ST3GAL3: variants seen among roughly 807,000 people sequenced by gnomAD.
The protein encoded by ST3GAL3 is CMP-N-acetylneuraminate-beta-1,4-galactoside alpha-2,3-sialyltransferase.
ST3GAL3 carries 21 observed loss-of-function variants against 50.1 expected under a neutral mutation model. The observed-to-expected ratio is 0.42, with a 90% confidence interval of 0.30 to 0.60. The LOEUF (loss-of-function observed/expected upper bound fraction) is 0.60. Among genes scored for constraint, ST3GAL3 ranks in the 20% least tolerant of loss-of-function variants. The pLI is 0.19. For synonymous variants in ST3GAL3, 183 were observed against 190.0 expected (o/e 0.96, Z 0.30); for missense variants, 353 against 489.4 (o/e 0.72, Z 2.63).
chr1:43,911,635 ATATC>A (rs1349228864), intron 9 of ST3GAL3, among the ~76,000 whole-genome samples: 2 of 135,986 alleles, frequency 1.5e-5, no homozygotes, highest in African/African-American at 2.8e-5. Flanking sequence ...ATAGATATCT[ATATC>A]TATAGATATA....
rs1296733560 is a variant in ST3GAL3, at chr1:43,930,673, G to C, written c.*452G>C. ...GAGGGCCCATCAGGCAGTGTTACCT[G>C]TTAGCTCCCTGTGGGGCAGGAGTGC... is the stretch of plus-strand genomic sequence containing the variant. On this transcript the variant is annotated 3_prime_UTR_variant, in exon 12 of 12. Coordinates refer to ENST00000347631, the MANE Select transcript of ST3GAL3 (RefSeq NM_006279.5). 3.3e-6 allele frequency: 1 copy of C among 307,540 alleles called. No homozygotes were observed. The highest frequency in any genetic ancestry group is 2.2e-5 in the African/African-American group (1 of 46,248). 19.1% of individuals were successfully genotyped at this position (307,540 alleles called of 1,614,324 possible).
intron 1 of ST3GAL3, among the ~76,000 whole-genome samples, chr1:43,722,697 G>A (rs1194320344): frequency 6.6e-6 from 1 of 152,190 alleles, no homozygotes; most frequent in Non-Finnish European, 1.5e-5. Context: ...TGCAGGATGA[G>A]AGTGAGGAGG....
At chr1:43,723,113 CT>C (rs770769806) in intron 1 of ST3GAL3, among the ~76,000 whole-genome samples, 246 of 142,684 alleles carry the variant, frequency 1.7e-3, no homozygotes, top group Admixed American at 1.6e-3. Context: ...CTCTTCCCTC[CT>C]TTTTTTTTTT....
intron 1 of ST3GAL3, among the ~76,000 whole-genome samples, chr1:43,734,832 AT>A (rs1009749999): frequency 1.3e-5 from 2 of 151,948 alleles, no homozygotes; most frequent in African/African-American, 4.8e-5. Context: ...CTCTTATGTC[AT>A]TGTAATTTTG....
rs545716760 is a variant in ST3GAL3 at position 43,887,949 on chromosome 1, GAGA to G, written c.303-6431_303-6429del. ...ACCATGAAAGCATGCCTGTGGCCAA[GAGA>G]AGGAGGAGGAGGAAGAGACTAGAGC... On this transcript the variant is annotated intron_variant, in intron 5 of 11. Coordinates refer to ENST00000347631, the MANE Select transcript of ST3GAL3 (RefSeq NM_006279.5). 3.9e-5 allele frequency among the ~76,000 whole-genome samples: 6 copies of G among 152,222 alleles called. No homozygotes were observed. The South Asian group carries it at 1.2e-3, about 32-fold the overall frequency.
At chr1:43,730,632 G>A (rs1237985983) in intron 1 of ST3GAL3, among the ~76,000 whole-genome samples, 1 of 135,204 alleles carries the variant, frequency 7.4e-6, no homozygotes, top group Non-Finnish European at 1.5e-5. Context: ...GTGTAGTGAT[G>A]TCATAATGGC....
chr1:43,891,139 G>C (rs79974737), intron 5 of ST3GAL3, among the ~76,000 whole-genome samples: 1 of 152,180 alleles, frequency 6.6e-6, no homozygotes, highest in Non-Finnish European at 1.5e-5. Context: ...GGCAAGAAAT[G>C]TACAAGATCA....
intron 5 of ST3GAL3, among the ~76,000 whole-genome samples, chr1:43,873,093 G>C (rs78853081): frequency 0.016 from 2,469 of 152,294 alleles, 30 homozygotes; most frequent in African/African-American, 0.018. Context: ...TTGGAGCAGA[G>C]GAGTGACTTC....
intron 2 of ST3GAL3, among the ~76,000 whole-genome samples, chr1:43,774,359 T>C (rs759314183): frequency 6.6e-6 from 1 of 152,230 alleles, no homozygotes; most frequent in African/African-American, 2.4e-5. Context: ...TTCTGTCTTA[T>C]TGCCTTGTGG....
intron 5 of ST3GAL3, among the ~76,000 whole-genome samples, chr1:43,878,461 A>C (rs1215144344): frequency 1.3e-5 from 2 of 152,234 alleles, no homozygotes; most frequent in East Asian, 3.8e-4. Flanking sequence ...GGTTGGCCTC[A>C]AGGGAAATGA....
Position 43,838,300 on chromosome 1 carries a change from C to T in ST3GAL3, c.291C>T (p.Ala97=). The T allele has an allele frequency of 6.2e-7, 1 of 1,613,548 alleles. No individual in the cohort carries two copies. Among genetic ancestry groups the T allele is most frequent in the Non-Finnish European group, 8.5e-7 (1 of 1,179,722 alleles). The change falls in exon 5 of 12, where the codon GCC becomes GCT. Residue 97 remains alanine, a synonymous_variant. Coordinates refer to ENST00000347631, the MANE Select transcript of ST3GAL3 (RefSeq NM_006279.5). ...KPGYASALMT[A]IFPRFSKPAP... is the part of the protein sequence containing the mutation. ...GCTATGCTTCAGCCTTGATGACGGC[C>T]ATCTTCCCCCGGTAAGTGCTCCTGT...
chr1:43,777,760 A>G (rs997498940), intron 2 of ST3GAL3, among the ~76,000 whole-genome samples: 2 of 152,222 alleles, frequency 1.3e-5, no homozygotes, highest in African/African-American at 4.8e-5. Flanking sequence ...GACAAATGGG[A>G]TCTAATTAAA....
intron 5 of ST3GAL3, among the ~76,000 whole-genome samples, chr1:43,845,876 G>A (rs897791505): frequency 1.3e-5 from 2 of 151,842 alleles, no homozygotes; most frequent in African/African-American, 2.4e-5. Context: ...AACTTTACTC[G>A]TGATTTCTAC....
Position 43,899,789 on chromosome 1 carries a change from A to G in ST3GAL3, c.744+62A>G, listed in dbSNP as rs2077985151. Reference sequence around the variant, plus strand: ...CCTGGGCTTCCGCAACTCCTAAGCAATCCCGCCCCTTGAATGCAGCAAAGA... The same window carrying G: ...CCTGGGCTTCCGCAACTCCTAAGCAGTCCCGCCCCTTGAATGCAGCAAAGA... On this transcript the variant is annotated intron_variant, in intron 9 of 11. Coordinates refer to ENST00000347631, the MANE Select transcript of ST3GAL3 (RefSeq NM_006279.5). The surrounding 1 kb of genome is among the most constrained non-coding windows in gnomAD (Gnocchi z 5.4). 2.7e-6 allele frequency: 4 copies of G among 1,471,902 alleles called. No homozygotes were observed. The highest frequency in any genetic ancestry group is 3.8e-6 in the Non-Finnish European group (4 of 1,053,912). 91.2% of individuals were successfully genotyped at this position (1,471,902 alleles called of 1,614,324 possible).
At chr1:43,857,738 C>T (rs567679610) in intron 5 of ST3GAL3, among the ~76,000 whole-genome samples, 1 of 152,052 alleles carries the variant, frequency 6.6e-6, no homozygotes, top group South Asian at 2.1e-4. Flanking sequence ...GTCTCAGCCT[C>T]CCAAGTAGCT....
intron 5 of ST3GAL3, among the ~76,000 whole-genome samples, chr1:43,862,548 C>A (rs548736810): frequency 6.6e-6 from 1 of 152,104 alleles, no homozygotes; most frequent in Non-Finnish European, 1.5e-5. Flanking sequence ...CTGCCATGTC[C>A]AGGCCCACTG....
At chr1:43,894,117 C>T in intron 5 of ST3GAL3, 1 of 489,084 alleles carries the variant, frequency 2.0e-6, no homozygotes, top group Non-Finnish European at 3.8e-6. Context: ...AGAAATTGAT[C>T]CTTGCTGAAC....
At chr1:43,773,426 A>C (rs1696060200) in intron 2 of ST3GAL3, among the ~76,000 whole-genome samples, 2 of 152,184 alleles carry the variant, frequency 1.3e-5, no homozygotes. Flanking sequence ...GTTTCCTCTT[A>C]GCATTTTGCT....
intron 1 of ST3GAL3, among the ~76,000 whole-genome samples, chr1:43,735,546 G>A (rs1180550173): frequency 2.0e-5 from 3 of 152,140 alleles, no homozygotes; most frequent in Non-Finnish European, 2.9e-5. Context: ...ACAGCTGCAC[G>A]AACTGAATTC....
Sources: allele counts gnomAD v4.1 joint callset (sites outside exome capture counted in the v4.1 genomes callset), GRCh38; gene constraint gnomAD v4.1.1; non-coding constraint Gnocchi (gnomAD v3.1); transcripts MANE v1.5; gene names NCBI Gene and HGNC (gene_info 2026-07-23, HGNC 2026-07-21).